CADPS: variants seen among roughly 807,000 people sequenced by gnomAD.
CADPS encodes calcium dependent secretion activator, also known as calcium-dependent secretion activator 1.
In CADPS, 57 loss-of-function variants were observed where a neutral mutation model predicts 167.3. The observed-to-expected ratio is 0.34, with a 90% confidence interval of 0.28 to 0.42. The LOEUF is 0.42. Ranked by LOEUF, CADPS falls within the 20% of genes least tolerant of loss-of-function variation. CADPS has a pLI of 1.00. For missense variants in CADPS, 1,414 were observed against 1,738.1 expected, an observed-to-expected ratio of 0.81 and a Z score of 3.32; for synonymous variants, 676 against 635.3, an observed-to-expected ratio of 1.06 and a Z score of -0.96.
chr3:62,511,286 C>T (rs1045087367), intron 17 of CADPS, among the ~76,000 whole-genome samples: 18 of 152,286 alleles, frequency 1.2e-4, no homozygotes, highest in Admixed American at 9.8e-4. Context: ...CACCCATCCA[C>T]TACTATCATT....
intron 3 of CADPS, among the ~76,000 whole-genome samples, chr3:62,684,677 T>G (rs2077683812): frequency 6.6e-6 from 1 of 152,012 alleles, no homozygotes; most frequent in Non-Finnish European, 1.5e-5. Context: ...CATCCACCAT[T>G]TCCTCAGTGG....
At chr3:62,408,813 A>G (rs2048389782) in intron 28 of CADPS, among the ~76,000 whole-genome samples, 1 of 152,232 alleles carries the variant, frequency 6.6e-6, no homozygotes. Context: ...AGATAGAACC[A>G]CTGACTGTAT....
intron 3 of CADPS, among the ~76,000 whole-genome samples, chr3:62,739,639 G>A (rs4994164): frequency 0.4 from 60,664 of 151,944 alleles, 12,557 homozygotes; most frequent in African/African-American, 0.48. Context: ...CCTTACTCTT[G>A]AATAATGAGG....
intron 2 of CADPS, among the ~76,000 whole-genome samples, chr3:62,755,231 C>A (rs538354223): frequency 1.3e-5 from 2 of 152,076 alleles, no homozygotes; most frequent in Admixed American, 6.5e-5. Context: ...ACCTCTCCCC[C>A]CTGGTGGAAA....
At chr3:62,435,605 A>G (rs1476944615) in intron 28 of CADPS, among the ~76,000 whole-genome samples, 1 of 152,202 alleles carries the variant, frequency 6.6e-6, no homozygotes, top group African/African-American at 2.4e-5. Flanking sequence ...AGATCAGGTT[A>G]TTTAGAAAGT....
chr3:62,432,947 T>C (rs1295975621), intron 28 of CADPS, among the ~76,000 whole-genome samples: 3 of 152,148 alleles, frequency 2.0e-5, no homozygotes, highest in Non-Finnish European at 2.9e-5. Flanking sequence ...ATCAGCCCCT[T>C]AGAAGTGCAA....
chr3:62,504,159 C>T (rs916207139), intron 17 of CADPS, among the ~76,000 whole-genome samples: 5 of 151,800 alleles, frequency 3.3e-5, no homozygotes, highest in Non-Finnish European at 7.4e-5. Flanking sequence ...GAATACAGGA[C>T]AAAAAAATTA....
At chr3:62,530,478 A>G (rs1481247080) in intron 13 of CADPS, among the ~76,000 whole-genome samples, 1 of 152,032 alleles carries the variant, frequency 6.6e-6, no homozygotes, top group Non-Finnish European at 1.5e-5. Context: ...GTCCCAATAC[A>G]CGGTATTTTT....
intron 6 of CADPS, among the ~76,000 whole-genome samples, chr3:62,639,128 C>T (rs1407149732): frequency 1.3e-5 from 2 of 152,128 alleles, no homozygotes; most frequent in African/African-American, 2.4e-5. Context: ...AGAGGCAGTA[C>T]AGTGTCTGAG....
chr3:62,424,347 C>T (rs2052154373), intron 28 of CADPS, among the ~76,000 whole-genome samples: 1 of 152,154 alleles, frequency 6.6e-6, no homozygotes, highest in African/African-American at 2.4e-5. Context: ...TCACTCCCAG[C>T]TAACTTTTTG....
At chr3:62,708,384 C>T (rs1380635708) in intron 3 of CADPS, among the ~76,000 whole-genome samples, 1 of 151,902 alleles carries the variant, frequency 6.6e-6, no homozygotes, top group Non-Finnish European at 1.5e-5. Context: ...AGTACATATC[C>T]AACATTGTGC....
intron 26 of CADPS, among the ~76,000 whole-genome samples, chr3:62,447,459 A>T (rs1164911110): frequency 2.0e-5 from 3 of 152,090 alleles, no homozygotes; most frequent in Non-Finnish European, 1.5e-5. Flanking sequence ...TTTTTGTGCA[A>T]TGTCTACCTC....
intron 8 of CADPS, among the ~76,000 whole-genome samples, chr3:62,578,615 AAT>A (rs201449941): frequency 0.17 from 10,712 of 61,864 alleles, 856 homozygotes; most frequent in East Asian, 0.51. Context: ...GTCTCAAAAA[AAT>A]AAAAAAAAAA....
intron 3 of CADPS, among the ~76,000 whole-genome samples, chr3:62,731,805 CAAAAAAAAAAA>C (rs1212456893): frequency 1.5e-4 from 4 of 27,136 alleles, no homozygotes; most frequent in South Asian, 1.6e-3. Context: ...TGATCATATG[CAAAAAAAAAAA>C]AAAAAAAAAA....
At chr3:62,418,150 A>G (rs2050519867) in intron 28 of CADPS, among the ~76,000 whole-genome samples, 1 of 152,080 alleles carries the variant, frequency 6.6e-6, no homozygotes, top group Non-Finnish European at 1.5e-5. Flanking sequence ...TTACATTTCT[A>G]TAGTATATAA....
intron 28 of CADPS, among the ~76,000 whole-genome samples, chr3:62,436,199 G>C (rs2055003158): frequency 6.6e-6 from 1 of 152,050 alleles, no homozygotes; most frequent in Non-Finnish European, 1.5e-5. Context: ...GAGAGGCAAG[G>C]GTGGATTATT....
intron 28 of CADPS, among the ~76,000 whole-genome samples, chr3:62,432,222 T>A (rs909905310): frequency 6.6e-6 from 1 of 152,152 alleles, no homozygotes; most frequent in Admixed American, 6.5e-5. Context: ...TTTAACTACG[T>A]CTGTCTACAT....
Position 62,875,059 on chromosome 3 carries a change from G to GC in CADPS, c.-31dup. The stretch of plus-strand genomic sequence containing the variant: ...GCGCCTGGGGAGCGGGGTCTCTGGA[G>GC]CCCCCGGCTTGGAGTGCAAAAGGTG... On this transcript the variant is annotated 5_prime_UTR_variant, in exon 1 of 30. Transcript: ENST00000383710. The GC allele has an allele frequency of 6.4e-7, 1 of 1,561,868 alleles. No individual in the cohort carries two copies. Among genetic ancestry groups the GC allele is most frequent in the Non-Finnish European group, 8.7e-7 (1 of 1,152,756 alleles).
chr3:62,867,232 T>A lies in CADPS; in HGVS notation c.441+7357A>T, dbSNP rs931938766. Among the ~76,000 whole-genome samples the A allele has an allele frequency of 2.0e-5, 3 of 152,154 alleles. No individual in the cohort carries two copies. The East Asian group carries it at 5.8e-4, about 29-fold the overall frequency. On this transcript the variant is annotated intron_variant, in intron 1 of 29. Coordinates refer to ENST00000383710, the MANE Select transcript of CADPS (RefSeq NM_003716.4). ...TAGGACTTGAAAAAGGCAGGTGACC[T>A]ATTCAATGATAACGAGCATAGTGCC...
Sources: allele counts gnomAD v4.1 joint callset (sites outside exome capture counted in the v4.1 genomes callset), GRCh38; gene constraint gnomAD v4.1.1; transcripts MANE v1.5; gene names NCBI Gene and HGNC (gene_info 2026-07-23, HGNC 2026-07-21).